AADAT: variants seen among roughly 807,000 people sequenced by gnomAD.
AADAT encodes kynurenine/alpha-aminoadipate aminotransferase, mitochondrial.
AADAT carries 25 observed loss-of-function variants against 56.2 expected under a neutral mutation model. That is an observed-to-expected ratio of 0.44 (90% CI 0.32 to 0.62). The LOEUF is 0.62. AADAT is among the 20% of genes least tolerant of loss of function. The pLI, the probability that AADAT is intolerant of heterozygous loss-of-function variation, is 0.04. For missense variants in AADAT, 387 were observed against 510.5 expected (o/e 0.76, Z 2.33); for synonymous variants, 173 against 164.7 (o/e 1.05, Z -0.39).
intron 4 of AADAT, among the ~76,000 whole-genome samples, chr4:170,076,107 C>G (rs1732022394): frequency 6.6e-6 from 1 of 152,092 alleles, no homozygotes; most frequent in African/African-American, 2.4e-5. Flanking sequence ...GGGTATATAG[C>G]CATGAGTGGA....
chr4:170,092,232 G>A (rs908827877), upstream of AADAT, among the ~76,000 whole-genome samples: 10 of 152,240 alleles, frequency 6.6e-5, no homozygotes, highest in African/African-American at 1.4e-4. Flanking sequence ...AATAAATCTT[G>A]CTGCTGCTGA....
chr4:170,089,095 A>G (rs1232779332), intron 1 of AADAT, among the ~76,000 whole-genome samples: 3 of 152,256 alleles, frequency 2.0e-5, no homozygotes, highest in African/African-American at 7.2e-5. Context: ...AACATACAGA[A>G]TAACTTTTTC....
At chr4:170,093,892 C>T (rs1486838137), upstream of AADAT, among the ~76,000 whole-genome samples, 10 of 152,214 alleles carry the variant, frequency 6.6e-5, no homozygotes, top group Non-Finnish European at 2.9e-5. Flanking sequence ...GCCAGCGCAC[C>T]TGGCCTCACA....
upstream of AADAT, among the ~76,000 whole-genome samples, chr4:170,092,285 G>T (rs1200387471): frequency 6.6e-6 from 1 of 152,200 alleles, no homozygotes; most frequent in Admixed American, 6.5e-5. Context: ...AACACTCACC[G>T]CGAAGGTGTG....
chr4:170,093,382 G>A (rs1156763173), upstream of AADAT, among the ~76,000 whole-genome samples: 1 of 152,096 alleles, frequency 6.6e-6, no homozygotes, highest in Non-Finnish European at 1.5e-5. Flanking sequence ...GTCAGCTGAA[G>A]CCGAGATCAC....
upstream of AADAT, among the ~76,000 whole-genome samples, chr4:170,091,338 C>T (rs373997109): frequency 2.8e-3 from 434 of 152,314 alleles, 4 homozygotes; most frequent in African/African-American, 9.8e-3. Flanking sequence ...GGGCCGGCTC[C>T]GCCAGACCCG....
chr4:170,064,841 GA>G lies in AADAT; in HGVS notation c.1028-17del. On this transcript the variant is annotated splice_polypyrimidine_tract_variant and intron_variant, in intron 10 of 12. Transcript: ENST00000337664. The stretch of plus-strand genomic sequence containing the variant: ...TCTGCCAAACCTACAAACAAAAGAA[GA>G]GAATAAATGTCTTCCAAAGGAAGGC... 6.3e-7 allele frequency: 1 copy of G among 1,597,106 alleles called. No individual in the cohort carries two copies. The highest frequency in any genetic ancestry group is 8.5e-7 in the Non-Finnish European group (1 of 1,173,844).
At chr4:170,080,206 A>G (rs1296022309) in intron 3 of AADAT, among the ~76,000 whole-genome samples, 2 of 152,188 alleles carry the variant, frequency 1.3e-5, no homozygotes, top group Non-Finnish European at 2.9e-5. Flanking sequence ...CAGAACTCAA[A>G]TATGAGGATG....
intron 5 of AADAT, among the ~76,000 whole-genome samples, chr4:170,072,798 A>G (rs905771425): frequency 2.0e-5 from 3 of 152,220 alleles, no homozygotes; most frequent in African/African-American, 7.2e-5. Flanking sequence ...AGGAGTAGGA[A>G]GCAGAACAGA....
Position 170,065,154 on chromosome 4 carries a change from G to A in AADAT, c.1028-329C>T, listed in dbSNP as rs577693189. Among the ~76,000 whole-genome samples the A allele has an allele frequency of 1.6e-3, 245 of 152,268 alleles. 1 individual carries two copies. The highest frequency in any genetic ancestry group is 5.6e-3 in the African/African-American group (233 of 41,566). ...TCTCCTTCACTTAGAACCATACCTA[G>A]ACAAACATGGCTATTTCAATTTAGA... On this transcript the variant is annotated intron_variant, in intron 10 of 12. Coordinates refer to ENST00000337664, the MANE Select transcript of AADAT (RefSeq NM_016228.4).
At chr4:170,069,337 T>C in intron 6 of AADAT, 107 bp from the exon 7 acceptor site, 2 of 791,006 alleles carry the variant, frequency 2.5e-6, no homozygotes, top group Non-Finnish European at 4.0e-6. Flanking sequence ...ATAACAACAG[T>C]ACAAATATTC....
Position 170,070,629 on chromosome 4 carries a change from G to A in AADAT, c.678C>T (p.Leu226=). Residue 226 remains leucine (L), a synonymous_variant, in exon 6 of 13, where the codon CTC becomes CTT. Coordinates refer to ENST00000337664, the MANE Select transcript of AADAT (RefSeq NM_016228.4). The part of the protein sequence containing the change: ...IYELARKYDF[L]IIEDDPYYFL... ...AATAGTAAGGATCATCTTCTATTAT[G>A]AGGAAATCATATTTTCTTGCAAGCT... The A allele has an allele frequency of 6.3e-7, 1 of 1,578,948 alleles. No individual in the cohort carries two copies. Among genetic ancestry groups the A allele is most frequent in the African/African-American group, 1.3e-5 (1 of 74,208 alleles).
At chr4:170,074,505 CAT>C (rs146765643) in intron 4 of AADAT, among the ~76,000 whole-genome samples, 2,497 of 152,146 alleles carry the variant, frequency 0.016, 78 homozygotes, top group African/African-American at 0.057. Flanking sequence ...TAGAGTAAAT[CAT>C]ATGTTTCATT....
intron 9 of AADAT, among the ~76,000 whole-genome samples, chr4:170,066,845 T>C (rs1160376951): frequency 6.6e-6 from 1 of 152,206 alleles, no homozygotes; most frequent in African/African-American, 2.4e-5. Flanking sequence ...GGAATGCGAA[T>C]ACCCCATTCC....
intron 7 of AADAT, 87 bp from the exon 8 acceptor site, chr4:170,068,774 G>T (rs551107230): frequency 1.2e-6 from 1 of 829,300 alleles, no homozygotes; most frequent in Non-Finnish European, 1.9e-6. Flanking sequence ...ACAGACAATT[G>T]TGACCTGGGG....
At chr4:170,086,183 C>T (rs1307675248) in intron 3 of AADAT, among the ~76,000 whole-genome samples, 1 of 151,720 alleles carries the variant, frequency 6.6e-6, no homozygotes, top group Non-Finnish European at 1.5e-5. Flanking sequence ...GAGGTCGAGA[C>T]TGCAGGGAGC....
chr4:170,065,625 G>A (rs551371018), intron 10 of AADAT, among the ~76,000 whole-genome samples: 5 of 151,740 alleles, frequency 3.3e-5, no homozygotes, highest in Admixed American at 2.0e-4. Context: ...CTTAGCCTCC[G>A]AAGTAGCTGA....
chr4:170,068,711 G>A (rs372275480), intron 7 of AADAT, 24 bp from the exon 8 acceptor site: 6 of 1,447,070 alleles, frequency 4.1e-6, no homozygotes, highest in Admixed American at 2.2e-5. Context: ...GAAAAGGCAC[G>A]ATACCAATTC....
At chr4:170,080,653 A>C (rs1016614367) in intron 3 of AADAT, among the ~76,000 whole-genome samples, 1 of 152,132 alleles carries the variant, frequency 6.6e-6, no homozygotes, top group Non-Finnish European at 1.5e-5. Flanking sequence ...TTTGCTAGCC[A>C]TCTCATGCCA....
Sources: allele counts gnomAD v4.1 joint callset (sites outside exome capture counted in the v4.1 genomes callset), GRCh38; gene constraint gnomAD v4.1.1; transcripts MANE v1.5; gene names NCBI Gene and HGNC (gene_info 2026-07-23, HGNC 2026-07-21).